The following RABGAP1L variants were observed in gnomAD, a reference collection of about 807,000 sequenced individuals.
RABGAP1L encodes the protein RAB GTPase activating protein 1 like.
In RABGAP1L, 63 loss-of-function variants were observed where a neutral mutation model predicts 137.7. The ratio of observed to expected loss-of-function variants is 0.46; its 90% CI spans 0.37 to 0.56. The LOEUF (loss-of-function observed/expected upper bound fraction) is 0.56, where lower values mean the gene tolerates loss of function less well. RABGAP1L is among the 20% of genes least tolerant of loss of function. The pLI is 0.00. For synonymous variants in RABGAP1L, 431 were observed against 433.7 expected (o/e 0.99, Z 0.08); for missense variants, 1,095 against 1,244.0 (o/e 0.88, Z 1.80).
chr1:174,542,788 G>A (rs1359955130), intron 13 of RABGAP1L, among the ~76,000 whole-genome samples: 1 of 152,176 alleles, frequency 6.6e-6, no homozygotes, highest in Non-Finnish European at 1.5e-5. Flanking sequence ...ATTCTGGTAT[G>A]TTGTGTCTTT....
At chr1:174,379,276 T>C (rs1365770620) in intron 12 of RABGAP1L, among the ~76,000 whole-genome samples, 1 of 148,712 alleles carries the variant, frequency 6.7e-6, no homozygotes, top group Non-Finnish European at 1.5e-5. Flanking sequence ...GCGGGCTGTT[T>C]TTTGGTTCCA....
At chr1:174,584,894 G>A (rs1188348516) in intron 13 of RABGAP1L, among the ~76,000 whole-genome samples, 1 of 151,830 alleles carries the variant, frequency 6.6e-6, no homozygotes, top group African/African-American at 2.4e-5. Context: ...GGGAGCTAAG[G>A]TATAGGATGT....
rs1558296607 is a variant in RABGAP1L at position 174,973,380 on chromosome 1, A to AT, written c.2545-2695dup. Among the ~76,000 whole-genome samples the AT allele has an allele frequency of 1.8e-4, 23 of 130,658 alleles. 1 individual carries two copies. The highest frequency in any genetic ancestry group is 2.3e-4 in the Non-Finnish European group (14 of 59,916). The allele number at this position is 130,658 out of a possible 152,430, so 85.7% of individuals were successfully genotyped here. A position where few individuals can be genotyped will look rare whatever the true frequency, so the allele number is the denominator to read the frequency against. Reference sequence around the variant, plus strand: ...CCCCCTTTTCTTTTCTTTTTCTTTCATTTCTTTTTTTTTTTTTTTTCTTTG... The same window carrying AT: ...CCCCCTTTTCTTTTCTTTTTCTTTCATTTTCTTTTTTTTTTTTTTTTCTTTG... On this transcript the variant is annotated intron_variant, in intron 21 of 25. Coordinates refer to ENST00000681986, the MANE Select transcript of RABGAP1L (RefSeq NM_001366446.1).
chr1:174,621,061 T>G (rs538113952), intron 13 of RABGAP1L, among the ~76,000 whole-genome samples: 336 of 152,162 alleles, frequency 2.2e-3, no homozygotes, highest in Non-Finnish European at 3.3e-3. Context: ...CCTCGACACA[T>G]ACACCCTCCC....
At chr1:174,450,836 T>C (rs1655356556) in intron 13 of RABGAP1L, among the ~76,000 whole-genome samples, 1 of 152,198 alleles carries the variant, frequency 6.6e-6, no homozygotes, top group Admixed American at 6.5e-5. Flanking sequence ...GATTTCTTTG[T>C]TTTATGAAAT....
At chr1:174,242,794 A>C (rs1316756599) in intron 5 of RABGAP1L, among the ~76,000 whole-genome samples, 1 of 152,166 alleles carries the variant, frequency 6.6e-6, no homozygotes, top group Non-Finnish European at 1.5e-5. Flanking sequence ...TTTTCCCAGC[A>C]CTTACATATC....
chr1:174,368,676 A>G (rs1405877856), intron 11 of RABGAP1L, among the ~76,000 whole-genome samples: 1 of 152,126 alleles, frequency 6.6e-6, no homozygotes, highest in Admixed American at 6.5e-5. Context: ...ATTGTGGTAT[A>G]TTAGTGAAAA....
intron 13 of RABGAP1L, among the ~76,000 whole-genome samples, chr1:174,598,347 A>T (rs1670139123): frequency 1.4e-5 from 1 of 69,336 alleles, no homozygotes; most frequent in Non-Finnish European, 2.5e-5. Context: ...AAAAAAAAAA[A>T]TGGTCTGTCT....
At chr1:174,375,766 T>C (rs1685472289) in intron 12 of RABGAP1L, among the ~76,000 whole-genome samples, 1 of 151,940 alleles carries the variant, frequency 6.6e-6, no homozygotes, top group South Asian at 2.1e-4. Flanking sequence ...ACCAAATATT[T>C]AAGAAAAAAA....
chr1:174,427,098 A>G (rs140925249), intron 13 of RABGAP1L, among the ~76,000 whole-genome samples: 78 of 151,964 alleles, frequency 5.1e-4, no homozygotes, highest in African/African-American at 1.7e-3. Context: ...CCTCTGTGAT[A>G]TAAACCTCTA....
rs557472254 is a variant in RABGAP1L at position 174,384,807 on chromosome 1, A to T, written c.1560-9188A>T. 2.6e-5 allele frequency among the ~76,000 whole-genome samples: 4 copies of T among 152,316 alleles called. No homozygotes were observed. The South Asian group carries it at 8.3e-4, about 32-fold the overall frequency. On this transcript the variant is annotated intron_variant, in intron 12 of 25. Coordinates refer to ENST00000681986, the MANE Select transcript of RABGAP1L (RefSeq NM_001366446.1). Reference sequence around the variant, plus strand: ...TGCTCAATTCATATTTATTGACTGAATTTTTTGATGAAATATCTCTTACCA... The same window carrying T: ...TGCTCAATTCATATTTATTGACTGATTTTTTTGATGAAATATCTCTTACCA...
At chr1:174,518,823 T>C (rs1373792951) in intron 13 of RABGAP1L, among the ~76,000 whole-genome samples, 1 of 152,184 alleles carries the variant, frequency 6.6e-6, no homozygotes, top group Non-Finnish European at 1.5e-5. Context: ...ATGATTGCCT[T>C]GACAGTCACT....
intron 13 of RABGAP1L, among the ~76,000 whole-genome samples, chr1:174,436,938 T>G (rs920637579): frequency 6.6e-6 from 1 of 152,256 alleles, no homozygotes; most frequent in African/African-American, 2.4e-5. Flanking sequence ...CAGCCACCGC[T>G]GCTGATACCC....
chr1:174,885,149 T>G (rs1348534418), intron 19 of RABGAP1L, among the ~76,000 whole-genome samples: 1 of 152,222 alleles, frequency 6.6e-6, no homozygotes, highest in South Asian at 2.1e-4. Context: ...TCATGTTATA[T>G]CTAAAGTAAA....
At chr1:174,963,942 G>A (rs1409349139) in intron 20 of RABGAP1L, among the ~76,000 whole-genome samples, 1 of 152,092 alleles carries the variant, frequency 6.6e-6, no homozygotes, top group Non-Finnish European at 1.5e-5. Context: ...TTGGCCAGCT[G>A]TCATTTATCA....
chr1:174,734,323 A>G (rs563069740), intron 17 of RABGAP1L, among the ~76,000 whole-genome samples: 8 of 152,294 alleles, frequency 5.3e-5, no homozygotes, highest in African/African-American at 1.9e-4. Context: ...AGGTATGACC[A>G]TAGGGAACTC....
At chr1:174,560,249 C>A (rs1338813946) in intron 13 of RABGAP1L, among the ~76,000 whole-genome samples, 1 of 152,056 alleles carries the variant, frequency 6.6e-6, no homozygotes, top group Non-Finnish European at 1.5e-5. Flanking sequence ...GTTTCCTCAT[C>A]CTGCAGACTG....
chr1:174,272,590 GC>G, intron 8 of RABGAP1L, 110 bp downstream of exon 8: 2 of 1,309,776 alleles, frequency 1.5e-6, no homozygotes, highest in East Asian at 5.9e-5. Flanking sequence ...ATTTCTTGCA[GC>G]TGTGTGATAG....
intron 14 of RABGAP1L, among the ~76,000 whole-genome samples, chr1:174,638,816 C>A (rs1411215509): frequency 6.8e-6 from 1 of 146,154 alleles, no homozygotes. Flanking sequence ...TATTCTCCCT[C>A]ATAGGTGGGA....
Sources: allele counts gnomAD v4.1 joint callset (sites outside exome capture counted in the v4.1 genomes callset), GRCh38; gene constraint gnomAD v4.1.1; transcripts MANE v1.5; gene names NCBI Gene and HGNC (gene_info 2026-07-23, HGNC 2026-07-21).